Variants in ALK observed in about 807,000 individuals in gnomAD.
The protein encoded by ALK is ALK receptor tyrosine kinase, also known as ALK tyrosine kinase receptor.
Under a neutral mutation model 163.1 loss-of-function variants are expected in ALK, and 74 were observed. The observed-to-expected ratio is 0.45, with a 90% CI of 0.38 to 0.55. The LOEUF (loss-of-function observed/expected upper bound fraction) is 0.55. ALK is among the 20% of genes least tolerant of loss of function. ALK has a pLI of 0.00. For synonymous variants in ALK, 960 were observed against 843.2 expected, an observed-to-expected ratio of 1.14 and a Z score of -2.40; for missense variants, 2,063 against 2,105.3, an observed-to-expected ratio of 0.98 and a Z score of 0.39.
intron 3 of ALK, among the ~76,000 whole-genome samples, chr2:29,670,992 A>G (rs938030124): frequency 1.3e-5 from 2 of 152,038 alleles, no homozygotes; most frequent in African/African-American, 4.8e-5. Context: ...CCACTTTGTT[A>G]GGGTCAGTCA....
chr2:29,725,503 C>G (rs1247958460), intron 1 of ALK, among the ~76,000 whole-genome samples: 1 of 152,220 alleles, frequency 6.6e-6, no homozygotes, highest in Non-Finnish European at 1.5e-5. Context: ...AACTTGGGCC[C>G]TGACCTCCTT....
intron 12 of ALK, among the ~76,000 whole-genome samples, chr2:29,245,942 A>T (rs1209315132): frequency 1.3e-5 from 2 of 152,220 alleles, no homozygotes; most frequent in African/African-American, 2.4e-5. Flanking sequence ...CTGGTGCCCC[A>T]GGTGAGGAAA....
chr2:29,585,601 C>T (rs887909284), intron 3 of ALK, among the ~76,000 whole-genome samples: 2 of 152,098 alleles, frequency 1.3e-5, no homozygotes, highest in African/African-American at 4.8e-5. Context: ...GTGCTGAGAT[C>T]ACCCGCGTGA....
At chr2:29,876,274 C>G (rs1666702276) in intron 1 of ALK, among the ~76,000 whole-genome samples, 1 of 148,708 alleles carries the variant, frequency 6.7e-6, no homozygotes, top group Non-Finnish European at 1.5e-5. Context: ...TAAATGTTAG[C>G]AGTGATGGTA....
chr2:29,362,241 T>C (rs1001393515), intron 5 of ALK, among the ~76,000 whole-genome samples: 2 of 152,130 alleles, frequency 1.3e-5, no homozygotes, highest in African/African-American at 4.8e-5. Context: ...TGGGAAGAAG[T>C]TCTGGAAGTT....
intron 3 of ALK, among the ~76,000 whole-genome samples, chr2:29,591,153 C>T (rs1467271664): frequency 6.6e-6 from 1 of 150,402 alleles, no homozygotes; most frequent in East Asian, 1.9e-4. Flanking sequence ...CGAAGTCTTA[C>T]CATGCTTCAG....
chr2:29,204,725 G>C (rs1669270536), intron 26 of ALK, among the ~76,000 whole-genome samples: 2 of 152,162 alleles, frequency 1.3e-5, no homozygotes, highest in South Asian at 4.1e-4. Flanking sequence ...GAGTAGCTGG[G>C]TTTACAGGGG....
intron 1 of ALK, among the ~76,000 whole-genome samples, chr2:29,741,545 C>T (rs1680057550): frequency 6.6e-6 from 1 of 152,154 alleles, no homozygotes; most frequent in Non-Finnish European, 1.5e-5. Flanking sequence ...AATCAATCTT[C>T]ACAAAAACAA....
intron 5 of ALK, among the ~76,000 whole-genome samples, chr2:29,364,585 G>T (rs1668459526): frequency 6.6e-6 from 1 of 152,156 alleles, no homozygotes; most frequent in Non-Finnish European, 1.5e-5. Flanking sequence ...CTGAAGCCCA[G>T]TGTAGGGTCC....
intron 9 of ALK, among the ~76,000 whole-genome samples, chr2:29,292,985 G>A (rs1212097471): frequency 6.6e-6 from 1 of 152,098 alleles, no homozygotes; most frequent in South Asian, 2.1e-4. Context: ...CAAGGACCAG[G>A]GCACCCAATT....
At chr2:29,798,122 T>C (rs1423413936) in intron 1 of ALK, among the ~76,000 whole-genome samples, 1 of 152,220 alleles carries the variant, frequency 6.6e-6, no homozygotes, top group African/African-American at 2.4e-5. Flanking sequence ...CACCTGCCAG[T>C]GTCCTTCATT....
intron 19 of ALK, 110 bp from the exon 20 acceptor site, chr2:29,223,638 C>T (rs1669871994): frequency 2.0e-6 from 2 of 977,436 alleles, no homozygotes; most frequent in Non-Finnish European, 3.1e-6. Context: ...CTCCCCTGAG[C>T]TCTGAACCTT....
chr2:29,905,787 G>A (rs138099322), intron 1 of ALK, among the ~76,000 whole-genome samples: 1 of 152,140 alleles, frequency 6.6e-6, no homozygotes, highest in African/African-American at 2.4e-5. Flanking sequence ...GGAGCATGAA[G>A]GGAAAGGCAG....
chr2:29,687,584 C>A (rs2245921), intron 3 of ALK, among the ~76,000 whole-genome samples: 3 of 151,868 alleles, frequency 2.0e-5, no homozygotes, highest in Non-Finnish European at 4.4e-5. Context: ...TAATATATGA[C>A]AATGAACTCA....
rs1668938772 is a variant in ALK, at chr2:29,193,593, C to T, written c.4494G>A (p.Lys1498=). ...ACGTTGGGTTCCACAAGCTGGTGGG[C>T]TTGTTTCTGGATCCGTGGACCTTGT... ...ELHKVHGSRN[K]PTSLWNPTYG... is the part of the protein sequence containing the mutation. Residue 1498 remains lysine, a synonymous_variant, in exon 29 of 29, where the codon AAG becomes AAA. Transcript: ENST00000389048. 1 of 1,614,204 alleles carries T rather than the reference C, an allele frequency of 6.2e-7. No homozygotes were observed. The highest frequency in any genetic ancestry group is 8.5e-7 in the Non-Finnish European group (1 of 1,180,030).
chr2:29,399,672 G>C (rs895378089), intron 4 of ALK, among the ~76,000 whole-genome samples: 2 of 152,220 alleles, frequency 1.3e-5, no homozygotes, highest in Non-Finnish European at 2.9e-5. Flanking sequence ...TCTGCCTGCT[G>C]TGTGTGCCTG....
At chr2:29,737,084 T>G (rs975883303) in intron 1 of ALK, among the ~76,000 whole-genome samples, 1 of 152,130 alleles carries the variant, frequency 6.6e-6, no homozygotes, top group East Asian at 1.9e-4. Flanking sequence ...AAAAGCGTTT[T>G]GTAGAAATTT....
chr2:29,245,713 A>C (rs1482359537), intron 12 of ALK, among the ~76,000 whole-genome samples: 1 of 133,138 alleles, frequency 7.5e-6, no homozygotes, highest in East Asian at 2.4e-4. Context: ...CCCTGCACAC[A>C]GCAGGGCTCC....
chr2:29,463,280 CAAG>C (rs1022103474), intron 4 of ALK, among the ~76,000 whole-genome samples: 11 of 152,122 alleles, frequency 7.2e-5, no homozygotes, highest in South Asian at 2.1e-4. Context: ...ACTGTTGCAG[CAAG>C]AAGAAGGATT....
Sources: gnomAD v4.1 joint callset for allele counts (sites outside exome capture counted in the v4.1 genomes callset) on GRCh38, gnomAD v4.1.1 for gene constraint, MANE v1.5 for transcripts, NCBI Gene and HGNC (gene_info 2026-07-23, HGNC 2026-07-21) for gene names.